TAF3: variants seen among roughly 807,000 people sequenced by gnomAD.
The protein encoded by TAF3 is transcription initiation factor TFIID subunit 3.
A neutral mutation model predicts 80.6 loss-of-function variants in TAF3; 7 were observed. That is an observed-to-expected ratio of 0.09 (90% confidence interval 0.05 to 0.16). The LOEUF is 0.16. Ranked by LOEUF, TAF3 falls within the 10% of genes least tolerant of loss-of-function variation. The pLI is 1.00. For synonymous variants in TAF3, 444 were observed against 446.1 expected (o/e 1.00, Z 0.06); for missense variants, 921 against 1,140.2 (o/e 0.81, Z 2.77).
intron 2 of TAF3, among the ~76,000 whole-genome samples, chr10:7,883,743 C>G (rs955531461): frequency 1.3e-5 from 2 of 152,076 alleles, no homozygotes; most frequent in African/African-American, 4.8e-5. Flanking sequence ...TATTGATATC[C>G]GCAGACACTT....
chr10:7,895,116 C>T (rs1235891803), intron 2 of TAF3, among the ~76,000 whole-genome samples: 4 of 152,150 alleles, frequency 2.6e-5, no homozygotes, highest in Admixed American at 2.0e-4. Context: ...CCGCCTGCCT[C>T]GGCCTCCCAA....
At chr10:8,010,705 G>A (rs779595470) in intron 5 of TAF3, among the ~76,000 whole-genome samples, 2 of 152,104 alleles carry the variant, frequency 1.3e-5, no homozygotes, top group Non-Finnish European at 2.9e-5. Flanking sequence ...TCAGGAGTTC[G>A]AGACCAGCCT....
chr10:7,837,508 T>C (rs1011564606), intron 2 of TAF3, among the ~76,000 whole-genome samples: 1 of 152,136 alleles, frequency 6.6e-6, no homozygotes, highest in African/African-American at 2.4e-5. Context: ...CTGGGCGTGG[T>C]GGTGCGTGCC....
At chr10:7,931,310 C>T (rs537395410) in intron 2 of TAF3, among the ~76,000 whole-genome samples, 2 of 152,268 alleles carry the variant, frequency 1.3e-5, no homozygotes, top group Admixed American at 6.5e-5. Flanking sequence ...TGATCAATGG[C>T]AAACTTGGTC....
intron 4 of TAF3, among the ~76,000 whole-genome samples, chr10:7,988,572 C>CAAAAAAAAAAAAAAAA (rs58825999): frequency 1.0e-4 from 5 of 49,282 alleles, no homozygotes; most frequent in South Asian, 6.4e-4. Flanking sequence ...GACCCTGTCT[C>CAAAAAAAAAAAAAAAA]AAAAAAAAAA....
At chr10:7,935,709 G>A (rs1437744151) in intron 2 of TAF3, among the ~76,000 whole-genome samples, 3 of 152,176 alleles carry the variant, frequency 2.0e-5, no homozygotes, top group Non-Finnish European at 2.9e-5. Context: ...AGGGACTTAC[G>A]GGAATCAGGG....
intron 2 of TAF3, among the ~76,000 whole-genome samples, chr10:7,858,481 T>C (rs549611924): frequency 6.6e-6 from 1 of 152,356 alleles, no homozygotes; most frequent in East Asian, 1.9e-4. Context: ...TATACTTAAC[T>C]GTTTTTTCAC....
At chr10:7,864,191 C>G (rs946629040) in intron 2 of TAF3, among the ~76,000 whole-genome samples, 3 of 152,164 alleles carry the variant, frequency 2.0e-5, no homozygotes, top group African/African-American at 7.2e-5. Context: ...TAACATCATA[C>G]AGAGTAGTTT....
rs758400767 is a variant in TAF3, at chr10:7,964,543, T to G, written c.1033T>G (p.Ser345Ala). The change falls in exon 3 of 7, where the codon TCA becomes GCA. Residue 345 changes from serine (S) to alanine (A), a missense_variant. Physicochemically the swap from Ser to Ala is moderately conservative, Grantham distance 99. This residue lies in a region of TAF3 where 743 missense variants were observed against 821.0 expected (regional missense o/e 0.90). Coordinates refer to ENST00000344293, the MANE Select transcript of TAF3 (RefSeq NM_031923.4). The surrounding 1 kb of genome is among the most constrained non-coding windows in gnomAD (Gnocchi z 4.1). ...VRPETPNRTP[S>A]ATLSEKISKE... ...ACCTGAAACGCCCAACAGGACTCCT[T>G]CAGCTACACTCAGTGAAAAAATCAG... The G allele has an allele frequency of 5.0e-6, 8 of 1,613,694 alleles. No individual in the cohort carries two copies. The Admixed American group carries it at 5.0e-5, about 10-fold the overall frequency.
chr10:7,836,909 G>A (rs1445589396), intron 2 of TAF3, among the ~76,000 whole-genome samples: 2 of 152,224 alleles, frequency 1.3e-5, no homozygotes, highest in South Asian at 2.1e-4. Context: ...CCTATGGAGA[G>A]GAGTTTTCTT....
chr10:7,819,014 C>G, intron 1 of TAF3, 139 bp downstream of exon 1: 1 of 874,312 alleles, frequency 1.1e-6, no homozygotes, highest in Non-Finnish European at 1.6e-6. Flanking sequence ...CCTCCCACGT[C>G]CCTGGGCTTC....
At chr10:7,934,916 C>A (rs893387794) in intron 2 of TAF3, among the ~76,000 whole-genome samples, 1 of 152,142 alleles carries the variant, frequency 6.6e-6, no homozygotes, top group African/African-American at 2.4e-5. Context: ...GTGAATAAAA[C>A]CAAAGTCTGT....
In TAF3 at chr10:8,014,955, A is replaced by G. The variant is rs1027285115; in HGVS notation, c.*204A>G. ...TGGCCTGTGGCTCCGTGGCAGTGCG[A>G]CAGAAGGAAACTCAAGCAGAGGCGT... On this transcript the variant is annotated 3_prime_UTR_variant, in exon 7 of 7. Transcript: ENST00000344293. 6 of 448,266 alleles carry G rather than the reference A, an allele frequency of 1.3e-5. No homozygotes were observed. The highest frequency in any genetic ancestry group is 4.0e-6 in the Non-Finnish European group (1 of 247,114). 27.8% of individuals were successfully genotyped at this position (448,266 alleles called of 1,614,324 possible).
chr10:7,910,295 A>G (rs1005735236), intron 2 of TAF3, among the ~76,000 whole-genome samples: 1 of 152,230 alleles, frequency 6.6e-6, no homozygotes, highest in African/African-American at 2.4e-5. Flanking sequence ...AGTGTGACGT[A>G]CTGCAAATAG....
chr10:7,872,348 C>T (rs1436324606), intron 2 of TAF3, among the ~76,000 whole-genome samples: 2 of 151,424 alleles, frequency 1.3e-5, no homozygotes, highest in South Asian at 4.2e-4. Flanking sequence ...GCAATGGAGC[C>T]TTATTCTTTG....
At position 7,940,958 on chromosome 10, in the gene TAF3, C is replaced by G. The variant is rs1279696465; in HGVS notation, c.410-22962C>G. ...TGGAAGACAGAGCAAGACCCTGTCT[C>G]AAAAAAGAAAAAAAAAAAGAAGAAA... On this transcript the variant is annotated intron_variant, in intron 2 of 6. Coordinates refer to ENST00000344293, the MANE Select transcript of TAF3 (RefSeq NM_031923.4). 2.2e-5 allele frequency among the ~76,000 whole-genome samples: 3 copies of G among 137,946 alleles called. No individual in the cohort carries two copies. The Admixed American group carries it at 2.2e-4, about 10-fold the overall frequency. The allele number at this position is 137,946 out of a possible 152,430, so 90.5% of individuals were successfully genotyped here.
At chr10:7,956,709 T>C (rs1223238962) in intron 2 of TAF3, among the ~76,000 whole-genome samples, 4 of 152,144 alleles carry the variant, frequency 2.6e-5, no homozygotes, top group Admixed American at 2.6e-4. Flanking sequence ...TCATTTCCCT[T>C]TTTGGACTGG....
At chr10:7,937,762 G>A (rs1837935115) in intron 2 of TAF3, among the ~76,000 whole-genome samples, 1 of 152,242 alleles carries the variant, frequency 6.6e-6, no homozygotes, top group Admixed American at 6.5e-5. Flanking sequence ...CACTTACTAT[G>A]AGTCAGGCCC....
At chr10:7,958,264 C>T (rs1838156103) in intron 2 of TAF3, among the ~76,000 whole-genome samples, 1 of 152,134 alleles carries the variant, frequency 6.6e-6, no homozygotes, top group Non-Finnish European at 1.5e-5. Context: ...TAACCATCAA[C>T]CAAGTCTGCA....
Sources: allele counts gnomAD v4.1 joint callset (sites outside exome capture counted in the v4.1 genomes callset), GRCh38; gene constraint gnomAD v4.1.1; regional missense constraint gnomAD v4.1.1; non-coding constraint Gnocchi (gnomAD v3.1); transcripts MANE v1.5; gene names NCBI Gene and HGNC (gene_info 2026-07-23, HGNC 2026-07-21).